The following DOCK3 variants were observed in gnomAD, a reference collection of about 807,000 sequenced individuals.
DOCK3 encodes the protein dedicator of cytokinesis protein 3.
In DOCK3, 60 loss-of-function variants were observed where a neutral mutation model predicts 265.6. That is an observed-to-expected ratio of 0.23 (90% CI 0.18 to 0.28). The LOEUF (loss-of-function observed/expected upper bound fraction) is 0.28, where lower values mean the gene tolerates loss of function less well. DOCK3 is among the 10% of genes least tolerant of loss of function. The pLI, the probability that DOCK3 is intolerant of heterozygous loss-of-function variation, is 1.00. For missense variants in DOCK3, 1,981 were observed against 2,594.3 expected (o/e 0.76, Z 5.14); for synonymous variants, 881 against 938.0 (o/e 0.94, Z 1.11).
chr3:51,338,690 C>A (rs565800516), intron 36 of DOCK3, among the ~76,000 whole-genome samples: 1 of 152,188 alleles, frequency 6.6e-6, no homozygotes, highest in African/African-American at 2.4e-5. Flanking sequence ...TCACAGTCAA[C>A]CCTGACTCCT....
chr3:50,922,341 A>G (rs1011306113), intron 4 of DOCK3, among the ~76,000 whole-genome samples: 3 of 152,044 alleles, frequency 2.0e-5, no homozygotes, highest in African/African-American at 7.2e-5. Context: ...CCGTGGGTGT[A>G]GGACCCCCTG....
At chr3:51,031,738 A>G (rs2080056260) in intron 5 of DOCK3, among the ~76,000 whole-genome samples, 1 of 152,198 alleles carries the variant, frequency 6.6e-6, no homozygotes, top group Non-Finnish European at 1.5e-5. Context: ...ATTGGGGGTT[A>G]AAAGAAATAC....
At chr3:51,312,811 A>G (rs1205824998) in intron 30 of DOCK3, 33 bp from the exon 31 acceptor site, 2 of 1,596,300 alleles carry the variant, frequency 1.3e-6, no homozygotes, top group Non-Finnish European at 1.7e-6. Flanking sequence ...ACCTTCTCCC[A>G]CTAACGGTTG....
At chr3:51,252,970 G>A (rs2079339532) in intron 22 of DOCK3, among the ~76,000 whole-genome samples, 1 of 152,152 alleles carries the variant, frequency 6.6e-6, no homozygotes, top group Admixed American at 6.5e-5. Context: ...TCTGGGTTTT[G>A]CCCATTCAGT....
chr3:51,049,461 G>A (rs1196303857), intron 5 of DOCK3, among the ~76,000 whole-genome samples: 4 of 152,142 alleles, frequency 2.6e-5, no homozygotes, highest in African/African-American at 9.7e-5. Context: ...GCATTATGCT[G>A]GTTCCTTTTT....
At chr3:51,015,730 G>GAT (rs201759706) in intron 5 of DOCK3, among the ~76,000 whole-genome samples, 11 of 374 alleles carry the variant, frequency 0.029, 2 homozygotes, top group East Asian at 0.25. Context: ...GATTAGGATT[G>GAT]ATATATATAT....
At chr3:51,049,600 T>C (rs1215795181) in intron 5 of DOCK3, among the ~76,000 whole-genome samples, 1 of 152,148 alleles carries the variant, frequency 6.6e-6, no homozygotes, top group African/African-American at 2.4e-5. Flanking sequence ...TAATGTCATA[T>C]TGGTGCTCAA....
At chr3:51,103,880 C>A (rs2083176883) in intron 9 of DOCK3, among the ~76,000 whole-genome samples, 1 of 152,110 alleles carries the variant, frequency 6.6e-6, no homozygotes, top group African/African-American at 2.4e-5. Flanking sequence ...TGGGGATATA[C>A]TAGGGAGCTA....
chr3:50,874,282 A>T (rs2047588821), intron 3 of DOCK3, among the ~76,000 whole-genome samples: 1 of 151,800 alleles, frequency 6.6e-6, no homozygotes. Context: ...TGGGAGGGTC[A>T]CTAGAGCCCA....
chr3:51,030,162 G>C (rs2079989277), intron 5 of DOCK3, among the ~76,000 whole-genome samples: 2 of 152,260 alleles, frequency 1.3e-5, no homozygotes, highest in African/African-American at 4.8e-5. Context: ...ATTCCAACAA[G>C]TCCTGGCTCT....
At chr3:50,681,331 T>C (rs2034393359) in intron 1 of DOCK3, among the ~76,000 whole-genome samples, 1 of 152,200 alleles carries the variant, frequency 6.6e-6, no homozygotes, top group Non-Finnish European at 1.5e-5. Context: ...GGTGCTAAAT[T>C]TTAATTTTTA....
intron 4 of DOCK3, among the ~76,000 whole-genome samples, chr3:50,929,811 A>G (rs1287420706): frequency 6.6e-6 from 1 of 152,254 alleles, no homozygotes; most frequent in Non-Finnish European, 1.5e-5. Context: ...AACAATATAA[A>G]ATCTAGCTGA....
chr3:51,194,960 G>A (rs2088188509), intron 12 of DOCK3, among the ~76,000 whole-genome samples: 1 of 151,828 alleles, frequency 6.6e-6, no homozygotes, highest in Non-Finnish European at 1.5e-5. Flanking sequence ...AAGTAGCTGG[G>A]ACTACAGGCA....
At chr3:51,115,247 T>C (rs1025349357) in intron 9 of DOCK3, among the ~76,000 whole-genome samples, 1 of 152,178 alleles carries the variant, frequency 6.6e-6, no homozygotes, top group African/African-American at 2.4e-5. Context: ...TTGAACTACT[T>C]TACACTCCCA....
intron 5 of DOCK3, among the ~76,000 whole-genome samples, chr3:50,948,853 A>T (rs7373700): frequency 1.3e-5 from 2 of 152,066 alleles, no homozygotes; most frequent in Non-Finnish European, 2.9e-5. Context: ...AGCTGGAGGT[A>T]TTTGTGTATG....
At chr3:50,966,991 G>A (rs565887065) in intron 5 of DOCK3, among the ~76,000 whole-genome samples, 1 of 152,008 alleles carries the variant, frequency 6.6e-6, no homozygotes, top group East Asian at 1.9e-4. Context: ...AATCAAATTA[G>A]TGTATTTAGA....
At chr3:50,814,115 T>G (rs1418168445) in intron 2 of DOCK3, among the ~76,000 whole-genome samples, 2 of 152,140 alleles carry the variant, frequency 1.3e-5, no homozygotes, top group Non-Finnish European at 2.9e-5. Context: ...GATTTTAAAA[T>G]AAAACTTTCT....
At chr3:51,121,272 G>T (rs774149526) in intron 9 of DOCK3, among the ~76,000 whole-genome samples, 39 of 152,266 alleles carry the variant, frequency 2.6e-4, no homozygotes, top group Admixed American at 4.6e-4. Context: ...TGTGCTTTCG[G>T]GGTGAGGCGA....
intron 32 of DOCK3, among the ~76,000 whole-genome samples, chr3:51,317,310 T>A (rs746316668): frequency 6.0e-5 from 9 of 150,646 alleles, no homozygotes; most frequent in Non-Finnish European, 1.2e-4. Context: ...AGGAGAAGCT[T>A]AAAAAAAAGA....
Sources: allele counts gnomAD v4.1 joint callset (sites outside exome capture counted in the v4.1 genomes callset), GRCh38; gene constraint gnomAD v4.1.1; transcripts MANE v1.5; gene names NCBI Gene and HGNC (gene_info 2026-07-23, HGNC 2026-07-21).